Variants in NAALADL2 observed in about 807,000 individuals in gnomAD.
NAALADL2 encodes the protein N-acetylated alpha-linked acidic dipeptidase like 2.
A neutral mutation model predicts 87.2 loss-of-function variants in NAALADL2; 76 were observed. The observed-to-expected ratio is 0.87, with a 90% CI of 0.72 to 1.05. NAALADL2 has a LOEUF of 1.05. NAALADL2 is among the 50% of genes least tolerant of loss of function. NAALADL2 has a pLI of 0.00. For synonymous variants in NAALADL2, 354 were observed against 331.0 expected, an observed-to-expected ratio of 1.07 and a Z score of -0.75; for missense variants, 1,089 against 945.8, an observed-to-expected ratio of 1.15 and a Z score of -1.99.
chr3:174,883,226 G>A (rs1462000985), intron 1 of NAALADL2, among the ~76,000 whole-genome samples: 1 of 152,018 alleles, frequency 6.6e-6, no homozygotes, highest in Non-Finnish European at 1.5e-5. Context: ...TGACTCAAAT[G>A]TTAATCTCCT....
intron 2 of NAALADL2, among the ~76,000 whole-genome samples, chr3:174,732,140 T>C (rs948326570): frequency 1.3e-5 from 2 of 152,154 alleles, no homozygotes; most frequent in Non-Finnish European, 2.9e-5. Flanking sequence ...CTGTATCTTA[T>C]ATATTAACTA....
chr3:174,995,521 T>C (rs1333207559), intron 1 of NAALADL2, among the ~76,000 whole-genome samples: 12 of 152,326 alleles, frequency 7.9e-5, no homozygotes, highest in Non-Finnish European at 2.9e-5. Flanking sequence ...TTCTGTTCTT[T>C]TGTGTTGATG....
intron 3 of NAALADL2, among the ~76,000 whole-genome samples, chr3:174,800,530 C>G (rs1718698297): frequency 6.6e-6 from 1 of 152,146 alleles, no homozygotes; most frequent in African/African-American, 2.4e-5. Flanking sequence ...AGAGGTGGGG[C>G]CCTCATGGAG....
intron 1 of NAALADL2, among the ~76,000 whole-genome samples, chr3:174,929,420 C>T (rs1736546680): frequency 6.6e-6 from 1 of 152,022 alleles, no homozygotes; most frequent in Non-Finnish European, 1.5e-5. Flanking sequence ...TTCTACCTTC[C>T]TTATTCTCCT....
chr3:175,468,836 G>A (rs1424705045), intron 8 of NAALADL2, among the ~76,000 whole-genome samples: 1 of 152,126 alleles, frequency 6.6e-6, no homozygotes, highest in South Asian at 2.1e-4. Flanking sequence ...ATGTGGGCTT[G>A]CATGTGTGTG....
At position 175,239,919 on chromosome 3, in the gene NAALADL2, T is replaced by C. The variant is rs147705664; in HGVS notation, c.819+5715T>C. Among the ~76,000 whole-genome samples, 597 of 152,320 alleles carry C rather than the reference T, an allele frequency of 3.9e-3. 3 individuals carry two copies. The highest frequency in any genetic ancestry group is 0.014 in the African/African-American group (568 of 41,568). On this transcript the variant is annotated intron_variant, in intron 3 of 13. Coordinates refer to ENST00000454872, the MANE Select transcript of NAALADL2 (RefSeq NM_207015.3). ...CCTGACAGTTAGTACTCTATCAATG[T>C]TAGCTCTTATTGTCCTGTAAAAAGT...
chr3:175,519,926 G>C (rs1560694105), intron 9 of NAALADL2, among the ~76,000 whole-genome samples: 1 of 152,084 alleles, frequency 6.6e-6, no homozygotes, highest in Non-Finnish European at 1.5e-5. Context: ...AAATCAATCT[G>C]TTTTTATACT....
chr3:175,060,240 T>A (rs1342673155), intron 1 of NAALADL2, among the ~76,000 whole-genome samples: 1 of 152,194 alleles, frequency 6.6e-6, no homozygotes, highest in Non-Finnish European at 1.5e-5. Flanking sequence ...GCCAGGGAAA[T>A]CATACTTGGA....
intron 9 of NAALADL2, among the ~76,000 whole-genome samples, chr3:175,535,256 G>T (rs555217621): frequency 6.6e-6 from 1 of 152,280 alleles, no homozygotes; most frequent in Non-Finnish European, 1.5e-5. Flanking sequence ...GAAAACATTT[G>T]TTGGATAAAA....
intron 1 of NAALADL2, among the ~76,000 whole-genome samples, chr3:175,001,315 T>C (rs1383281385): frequency 1.3e-5 from 2 of 151,802 alleles, no homozygotes; most frequent in Non-Finnish European, 2.9e-5. Context: ...TCTGTTTACA[T>C]TTTGAGTAGC....
At chr3:175,602,548 A>G (rs529729034) in intron 10 of NAALADL2, among the ~76,000 whole-genome samples, 1 of 152,166 alleles carries the variant, frequency 6.6e-6, no homozygotes, top group South Asian at 2.1e-4. Context: ...CTTTCTATAT[A>G]TATGTCCCAA....
At chr3:175,763,477 C>G (rs1748303060) in intron 13 of NAALADL2, among the ~76,000 whole-genome samples, 1 of 152,168 alleles carries the variant, frequency 6.6e-6, no homozygotes. Flanking sequence ...CCTTTCTTCA[C>G]TCACCCATAC....
At chr3:175,566,199 C>A (rs994545692) in intron 9 of NAALADL2, among the ~76,000 whole-genome samples, 1 of 152,038 alleles carries the variant, frequency 6.6e-6, no homozygotes, top group Admixed American at 6.6e-5. Context: ...ATTGGGGACA[C>A]GTAACATATA....
At position 174,509,080 on chromosome 3, in the gene NAALADL2, TC is replaced by T. The variant is rs954447609; in HGVS notation, c.-183-41487del. ...TTTCTTTCCTGAAAATATATTTTTT[TC>T]CTTTGTTTTCAAACTGTATGCCTTT... On this transcript the variant is annotated intron_variant, in intron 1 of 3. Transcript: ENST00000434257. 5.1e-4 allele frequency among the ~76,000 whole-genome samples: 77 copies of T among 151,330 alleles called. 1 individual carries two copies. The highest frequency in any genetic ancestry group is 1.8e-3 in the African/African-American group (75 of 40,994).
intron 10 of NAALADL2, among the ~76,000 whole-genome samples, chr3:175,590,035 G>A (rs9853586): frequency 0.78 from 118,496 of 151,152 alleles, 46,564 homozygotes; most frequent in East Asian, 0.88. Context: ...ACACGGTGAA[G>A]CCCCATCTCT....
At chr3:175,614,072 A>G (rs1416975248) in intron 10 of NAALADL2, among the ~76,000 whole-genome samples, 3 of 152,138 alleles carry the variant, frequency 2.0e-5, no homozygotes, top group Non-Finnish European at 4.4e-5. Flanking sequence ...CTTTTTCCCA[A>G]GACGGAGTCT....
At chr3:175,312,488 C>T (rs750345188) in intron 4 of NAALADL2, among the ~76,000 whole-genome samples, 9 of 151,578 alleles carry the variant, frequency 5.9e-5, no homozygotes, top group Non-Finnish European at 1.2e-4. Context: ...ATATAACTCT[C>T]ATAGTATTGA....
chr3:175,324,156 G>C lies in NAALADL2; in HGVS notation c.940-19G>C, dbSNP rs374186677. On this transcript the variant is annotated intron_variant, in intron 4 of 13. Transcript: ENST00000454872. ...AATGTGCATGATAATATTTTTAATA[G>C]CTTGCTTCCCTCTTTTAGCTTTCCT... 5 of 1,608,738 alleles carry C rather than the reference G, an allele frequency of 3.1e-6. No individual in the cohort carries two copies. In the African/African-American group the frequency reaches 5.4e-5, roughly 17 times the overall value.
intron 11 of NAALADL2, among the ~76,000 whole-genome samples, chr3:175,722,458 A>T (rs1037286982): frequency 6.6e-6 from 1 of 152,134 alleles, no homozygotes; most frequent in Non-Finnish European, 1.5e-5. Flanking sequence ...AAAGCATGAC[A>T]CCAGGATATG....
Sources: gnomAD v4.1 joint callset for allele counts (sites outside exome capture counted in the v4.1 genomes callset) on GRCh38, gnomAD v4.1.1 for gene constraint, MANE v1.5 for transcripts, NCBI Gene and HGNC (gene_info 2026-07-23, HGNC 2026-07-21) for gene names.